Variants in ZNF618 observed in about 807,000 individuals in gnomAD.
ZNF618 encodes neural precursor cell expressed, developmentally down-regulated 10.
ZNF618 carries 34 observed loss-of-function variants against 103.0 expected under a neutral mutation model. The observed-to-expected ratio is 0.33, with a 90% CI of 0.25 to 0.44. The LOEUF (loss-of-function observed/expected upper bound fraction) is 0.44, where lower values mean the gene tolerates loss of function less well. ZNF618 is among the 20% of genes least tolerant of loss of function. The pLI is 1.00. For missense variants in ZNF618, 1,059 were observed against 1,295.4 expected (o/e 0.82, Z 2.80); for synonymous variants, 551 against 542.2 (o/e 1.02, Z -0.23).
At chr9:114,027,000 C>A (rs1432983201) in intron 10 of ZNF618, among the ~76,000 whole-genome samples, 2 of 152,130 alleles carry the variant, frequency 1.3e-5, no homozygotes, top group Non-Finnish European at 2.9e-5. Flanking sequence ...CAGTGAATAA[C>A]CAGCTGTGGT....
At chr9:113,951,133 C>T (rs1588130712) in intron 1 of ZNF618, among the ~76,000 whole-genome samples, 1 of 151,472 alleles carries the variant, frequency 6.6e-6, no homozygotes, top group South Asian at 2.1e-4. Flanking sequence ...TTGAAGAAAC[C>T]TAGGTGGTTT....
At chr9:114,040,684 T>G (rs1235382593) in intron 13 of ZNF618, among the ~76,000 whole-genome samples, 1 of 152,222 alleles carries the variant, frequency 6.6e-6, no homozygotes, top group Admixed American at 6.5e-5. Flanking sequence ...GGCTGCATAG[T>G]ATTCCATGGT....
At chr9:113,948,312 C>T (rs1450354873) in intron 1 of ZNF618, among the ~76,000 whole-genome samples, 1 of 152,216 alleles carries the variant, frequency 6.6e-6, no homozygotes, top group African/African-American at 2.4e-5. Context: ...TTCTAAGTTT[C>T]TAGGCACTCG....
intron 1 of ZNF618, among the ~76,000 whole-genome samples, chr9:113,877,511 A>G (rs1446636134): frequency 6.6e-6 from 1 of 151,806 alleles, no homozygotes; most frequent in African/African-American, 2.4e-5. Flanking sequence ...CTTTGGACAC[A>G]CCCAAAAATT....
intron 1 of ZNF618, among the ~76,000 whole-genome samples, chr9:113,881,877 C>T (rs1828561794): frequency 1.3e-5 from 2 of 152,188 alleles, no homozygotes; most frequent in Admixed American, 6.5e-5. Context: ...AGGGTTAGGC[C>T]ACTGTGCTGT....
intron 1 of ZNF618, among the ~76,000 whole-genome samples, chr9:113,924,816 A>AATATTT (rs1832941788): frequency 6.6e-6 from 1 of 151,836 alleles, no homozygotes. Context: ...TTAGTCTCCA[A>AATATTT]ATATTTTGGA....
intron 1 of ZNF618, among the ~76,000 whole-genome samples, chr9:113,923,766 G>A (rs1832846635): frequency 6.6e-6 from 1 of 152,010 alleles, no homozygotes; most frequent in African/African-American, 2.4e-5. Flanking sequence ...TCTTTATCTG[G>A]TTTTGGTACA....
At chr9:113,998,438 T>TG in intron 4 of ZNF618, 84 bp downstream of exon 4, 1 of 1,265,784 alleles carries the variant, frequency 7.9e-7, no homozygotes, top group Admixed American at 2.0e-5. Context: ...GTTACAGACC[T>TG]GAGTAAGCAG....
chr9:113,960,463 A>T (rs911838099), intron 1 of ZNF618, among the ~76,000 whole-genome samples: 1 of 152,234 alleles, frequency 6.6e-6, no homozygotes, highest in East Asian at 1.9e-4. Flanking sequence ...TCCAATCTGC[A>T]TGGCTGCCTA....
intron 11 of ZNF618, 121 bp downstream of exon 11, chr9:114,029,093 C>A: frequency 2.9e-6 from 4 of 1,386,828 alleles, no homozygotes; most frequent in Non-Finnish European, 3.8e-6. Flanking sequence ...CCGTAGTGAT[C>A]TGGGACAAAT....
intron 1 of ZNF618, among the ~76,000 whole-genome samples, chr9:113,920,703 A>G (rs1832564089): frequency 6.6e-6 from 1 of 152,192 alleles, no homozygotes; most frequent in Admixed American, 6.5e-5. Context: ...TGCGAGGCCA[A>G]GAGTCGCAAT....
chr9:113,958,919 G>A (rs1836567893), intron 1 of ZNF618, among the ~76,000 whole-genome samples: 1 of 152,192 alleles, frequency 6.6e-6, no homozygotes, highest in Non-Finnish European at 1.5e-5. Flanking sequence ...AGCCCCTGAT[G>A]GCAGGTGAAG....
At chr9:113,890,885 A>G (rs1564134304) in intron 1 of ZNF618, among the ~76,000 whole-genome samples, 3 of 152,090 alleles carry the variant, frequency 2.0e-5, no homozygotes, top group African/African-American at 7.2e-5. Flanking sequence ...ATTTTGGTTG[A>G]TATGTTTTAC....
At chr9:114,047,499 T>C (rs1203647379) in intron 13 of ZNF618, among the ~76,000 whole-genome samples, 2 of 152,158 alleles carry the variant, frequency 1.3e-5, no homozygotes, top group Non-Finnish European at 2.9e-5. Flanking sequence ...GGGGTGTAGC[T>C]GGTACTCCCT....
intron 1 of ZNF618, among the ~76,000 whole-genome samples, chr9:113,965,952 C>T (rs1051807884): frequency 1.3e-5 from 2 of 152,056 alleles, no homozygotes; most frequent in African/African-American, 2.4e-5. Context: ...CATGAGATGC[C>T]GACTTGCAGC....
At chr9:113,994,219 G>A (rs1457145060) in intron 3 of ZNF618, among the ~76,000 whole-genome samples, 1 of 152,238 alleles carries the variant, frequency 6.6e-6, no homozygotes, top group Non-Finnish European at 1.5e-5. Context: ...CAGCAGAAGA[G>A]CTTGACAGTC....
chr9:113,930,452 T>TG (rs1554727338), intron 1 of ZNF618, among the ~76,000 whole-genome samples: 1 of 152,146 alleles, frequency 6.6e-6, no homozygotes, highest in Non-Finnish European at 1.5e-5. Flanking sequence ...AGGGGGCGCC[T>TG]ATTTTTTTTT....
At chr9:114,030,201 C>T (rs896035960) in intron 11 of ZNF618, among the ~76,000 whole-genome samples, 28 of 152,166 alleles carry the variant, frequency 1.8e-4, no homozygotes, top group Admixed American at 7.9e-4. Context: ...GGGCGTGATT[C>T]TTCGAAGATA....
chr9:113,944,870 G>A (rs1536966), intron 1 of ZNF618, among the ~76,000 whole-genome samples: 87,077 of 152,006 alleles, frequency 0.57, 25,282 homozygotes, highest in East Asian at 0.68. Flanking sequence ...TGGATTAGCC[G>A]CATTTCAAAA....
Sources: allele counts gnomAD v4.1 joint callset (sites outside exome capture counted in the v4.1 genomes callset), GRCh38; gene constraint gnomAD v4.1.1; transcripts MANE v1.5; gene names NCBI Gene and HGNC (gene_info 2026-07-23, HGNC 2026-07-21).